The following PPM1B variants were observed in gnomAD, a reference collection of about 807,000 sequenced individuals.
PPM1B encodes the protein protein phosphatase, Mg2+/Mn2+ dependent 1B.
In PPM1B, 22 loss-of-function variants were observed where a neutral mutation model predicts 43.0. That is an observed-to-expected ratio of 0.51 (90% CI 0.37 to 0.73). The LOEUF (loss-of-function observed/expected upper bound fraction) is 0.73. Among genes scored for constraint, PPM1B ranks in the 30% least tolerant of loss-of-function variants. PPM1B has a pLI of 0.00. For missense variants in PPM1B, 632 were observed against 584.2 expected, an observed-to-expected ratio of 1.08 and a Z score of -0.84; for synonymous variants, 217 against 197.9, an observed-to-expected ratio of 1.10 and a Z score of -0.81.
chr2:44,240,904 C>T (rs1558438574), intron 5 of PPM1B, among the ~76,000 whole-genome samples: 2 of 146,154 alleles, frequency 1.4e-5, no homozygotes, highest in East Asian at 4.1e-4. Context: ...TGAGAGAAAG[C>T]AAGTTATAAG....
chr2:44,220,348 A>G (rs1669922007), intron 5 of PPM1B, among the ~76,000 whole-genome samples: 2 of 152,128 alleles, frequency 1.3e-5, no homozygotes, highest in East Asian at 1.9e-4. Flanking sequence ...TGTTTAACAT[A>G]TACCAAGGAT....
downstream of PPM1B, chr2:44,231,584 T>G (rs1337898812): frequency 7.7e-6 from 4 of 516,454 alleles, no homozygotes; most frequent in African/African-American, 4.2e-5. Flanking sequence ...AGAACACTTT[T>G]GGCTTACCTT....
intron 1 of PPM1B, among the ~76,000 whole-genome samples, chr2:44,183,767 C>G (rs1013047699): frequency 2.0e-5 from 3 of 152,098 alleles, no homozygotes; most frequent in Non-Finnish European, 4.4e-5. Context: ...AAGACAGAGT[C>G]TCGCTCAGTC....
intron 5 of PPM1B, among the ~76,000 whole-genome samples, chr2:44,243,027 A>C (rs1260441582): frequency 2.0e-5 from 3 of 152,212 alleles, no homozygotes; most frequent in African/African-American, 7.2e-5. Flanking sequence ...AATTTTTGAA[A>C]AAAACACAAT....
At chr2:44,226,930 CTTTT>C (rs1028286962) in intron 5 of PPM1B, among the ~76,000 whole-genome samples, 1 of 94,194 alleles carries the variant, frequency 1.1e-5, no homozygotes, top group East Asian at 3.2e-4. Flanking sequence ...AAATGGGAAA[CTTTT>C]TATTTATTTA....
chr2:44,201,273 G>A lies in PPM1B; in HGVS notation c.74G>A (p.Gly25Asp). Residue 25 changes from glycine (G) to aspartate (D), a missense_variant, in exon 2 of 6, where the codon GGC (glycine) becomes GAC (aspartate). Physicochemically the swap from Gly to Asp is moderately conservative, Grantham distance 94. Transcript: ENST00000282412. This position sits in a 1 kb window ranked among gnomAD's most constrained non-coding sequence, Gnocchi z 5.4. The part of the protein sequence containing the change: ...AHGAGNGLRY[G>D]LSSMQGWRVE... ...GGTGCTGGGAATGGTTTACGTTATG[G>A]CCTGAGCAGCATGCAAGGATGGAGA... The A allele has an allele frequency of 6.2e-7, 1 of 1,614,128 alleles. No individual in the cohort carries two copies. The highest frequency in any genetic ancestry group is 8.5e-7 in the Non-Finnish European group (1 of 1,180,024).
intron 1 of PPM1B, among the ~76,000 whole-genome samples, chr2:44,177,279 C>T (rs1228828325): frequency 6.6e-6 from 1 of 152,010 alleles, no homozygotes; most frequent in African/African-American, 2.4e-5. Flanking sequence ...AAAATTATCT[C>T]TTGTAACTGG....
rs1211410327 is a variant in PPM1B at position 44,201,886 on chromosome 2, T to C, written c.687T>C (p.Ile229=). ...LVSPEPEVYE[I]LRAEEDEFII... is the part of the protein sequence containing the mutation. ...CTCCAGAGCCTGAGGTTTATGAAATTTTAAGAGCAGAAGAGGATGAATTTA... is the reference window on the plus strand; with the variant it reads ...CTCCAGAGCCTGAGGTTTATGAAATCTTAAGAGCAGAAGAGGATGAATTTA... The change falls in exon 2 of 6, where the codon ATT becomes ATC. Residue 229 remains isoleucine, a synonymous_variant. Transcript: ENST00000282412. The surrounding 1 kb of genome is among the most constrained non-coding windows in gnomAD (Gnocchi z 5.4). 6.2e-7 allele frequency: 1 copy of C among 1,614,136 alleles called. No homozygotes were observed. Among genetic ancestry groups the C allele is most frequent in the South Asian group, 1.1e-5 (1 of 91,080 alleles).
At position 44,198,693 on chromosome 2, in the gene PPM1B, G is replaced by C. The variant is rs193284369; in HGVS notation, c.-14-2493G>C. Among the ~76,000 whole-genome samples, 6 of 152,216 alleles carry C rather than the reference G, an allele frequency of 3.9e-5. No individual in the cohort carries two copies. In the East Asian group the frequency reaches 5.8e-4, roughly 15 times the overall value. ...AAACGAAATAATAAGAGGTACGAGG[G>C]CCATTAACTCTCTCAGATTACTTCC... On this transcript the variant is annotated intron_variant, in intron 1 of 5. Transcript: ENST00000282412.
chr2:44,230,827 TTATTA>T lies in PPM1B; in HGVS notation c.*114_*118del, dbSNP rs1340299826. 1.4e-6 allele frequency: 2 copies of T among 1,467,538 alleles called. No homozygotes were observed. The highest frequency in any genetic ancestry group is 2.9e-5 in the African/African-American group (2 of 69,946). 90.9% of individuals were successfully genotyped at this position (1,467,538 alleles called of 1,614,324 possible). On this transcript the variant is annotated 3_prime_UTR_variant, in exon 6 of 6. Coordinates refer to ENST00000282412, the MANE Select transcript of PPM1B (RefSeq NM_002706.6). ...TTATTTGAATCTTGGAAAACTAGTT[TTATTA>T]TATTCAGATAGCCTTGTTTTTTAAA...
chr2:44,177,221 C>T (rs1377349124), intron 1 of PPM1B, among the ~76,000 whole-genome samples: 3 of 152,140 alleles, frequency 2.0e-5, no homozygotes, highest in African/African-American at 7.2e-5. Context: ...ATTTGGCCAT[C>T]TATCTTAGAT....
intron 5 of PPM1B, among the ~76,000 whole-genome samples, chr2:44,229,468 A>G (rs1484468604): frequency 1.3e-5 from 2 of 152,156 alleles, no homozygotes; most frequent in Non-Finnish European, 2.9e-5. Flanking sequence ...TTTCCCCTTG[A>G]AACTGACTTT....
At chr2:44,208,791 C>T (rs1396629235) in intron 2 of PPM1B, among the ~76,000 whole-genome samples, 2 of 152,184 alleles carry the variant, frequency 1.3e-5, no homozygotes, top group Non-Finnish European at 2.9e-5. Flanking sequence ...ATGTTAAATT[C>T]ATGGAGTCGT....
intron 1 of PPM1B, among the ~76,000 whole-genome samples, chr2:44,177,505 G>T (rs115494515): frequency 1.1e-3 from 157 of 140,916 alleles, no homozygotes; most frequent in African/African-American, 4.0e-3. Flanking sequence ...TGCAGCCTCC[G>T]CCTTCAGGTT....
chr2:44,242,408 G>A (rs1457669207), intron 5 of PPM1B, among the ~76,000 whole-genome samples: 2 of 152,084 alleles, frequency 1.3e-5, no homozygotes, highest in Non-Finnish European at 2.9e-5. Context: ...CTTAAAAAAG[G>A]TAAAGATGTC....
chr2:44,193,853 A>G (rs1668525702), intron 1 of PPM1B, among the ~76,000 whole-genome samples: 1 of 152,094 alleles, frequency 6.6e-6, no homozygotes, highest in Admixed American at 6.6e-5. Flanking sequence ...TGCTGGGATT[A>G]CAGGCGTGAG....
downstream of PPM1B, among the ~76,000 whole-genome samples, chr2:44,236,402 C>CAAAAAAAAAAAAAAAAAAAA (rs61414038): frequency 5.0e-3 from 237 of 47,498 alleles, 29 homozygotes; most frequent in Non-Finnish European, 6.9e-3. Flanking sequence ...GACTCCGTCT[C>CAAAAAAAAAAAAAAAAAAAA]AAAAAAAAAA....
Position 44,219,644 on chromosome 2 carries a change from A to G in PPM1B, c.1134+1107A>G, listed in dbSNP as rs1007198385. On this transcript the variant is annotated intron_variant, in intron 5 of 5. Transcript: ENST00000282412. ...TTTTTTGTGGCAGGTTCCTCAGAGT[A>G]TTAAGAATTGTACCCAAGGCCGGGC... 8.5e-5 allele frequency among the ~76,000 whole-genome samples: 13 copies of G among 152,102 alleles called. 1 individual carries two copies. Among genetic ancestry groups the G allele is most frequent in the African/African-American group, 2.4e-5 (1 of 41,406 alleles).
intron 1 of PPM1B, among the ~76,000 whole-genome samples, chr2:44,200,708 A>G (rs892914223): frequency 6.6e-6 from 1 of 152,218 alleles, no homozygotes; most frequent in Admixed American, 6.5e-5. Context: ...CTTCTAAAGT[A>G]TATTAGTATA....
Sources: allele counts gnomAD v4.1 joint callset (sites outside exome capture counted in the v4.1 genomes callset), GRCh38; gene constraint gnomAD v4.1.1; non-coding constraint Gnocchi (gnomAD v3.1); transcripts MANE v1.5; gene names NCBI Gene and HGNC (gene_info 2026-07-23, HGNC 2026-07-21).